Variants in WWOX observed in about 807,000 individuals in gnomAD.
WWOX encodes WW domain-containing oxidoreductase.
Under a neutral mutation model 46.2 loss-of-function variants are expected in WWOX, and 69 were observed. The ratio of observed to expected loss-of-function variants is 1.49; its 90% confidence interval spans 1.23 to 1.82. WWOX has a LOEUF of 1.82. Ranked by LOEUF, WWOX falls within the 40% of genes most tolerant of loss-of-function variation. The pLI, the probability that WWOX is intolerant of heterozygous loss-of-function variation, is 0.00. For synonymous variants in WWOX, 359 were observed against 202.6 expected (o/e 1.77, Z -6.56); for missense variants, 919 against 542.6 (o/e 1.69, Z -6.89).
chr16:78,968,662 C>G (rs2046411107), intron 8 of WWOX, among the ~76,000 whole-genome samples: 1 of 152,170 alleles, frequency 6.6e-6, no homozygotes. Flanking sequence ...GCCAAGGAGG[C>G]TGATATCGGG....
At chr16:78,353,421 G>C (rs1423276548) in intron 5 of WWOX, among the ~76,000 whole-genome samples, 1 of 152,180 alleles carries the variant, frequency 6.6e-6, no homozygotes, top group East Asian at 1.9e-4. Context: ...GAGAAAGACA[G>C]TTCACCAAAT....
rs116359214 is a variant in WWOX at position 78,514,771 on chromosome 16, T to C, written c.1056+82019T>C. On this transcript the variant is annotated intron_variant, in intron 8 of 8. Transcript: ENST00000566780. Reference sequence around the variant, plus strand: ...AACACACAGGCATTGAAAATAGATATACATAAATAATGTTACTATAATTTG... The same window carrying C: ...AACACACAGGCATTGAAAATAGATACACATAAATAATGTTACTATAATTTG... Among the ~76,000 whole-genome samples, 1,273 of 152,276 alleles carry C rather than the reference T, an allele frequency of 8.4e-3. 17 individuals carry two copies. The highest frequency in any genetic ancestry group is 0.029 in the African/African-American group (1,190 of 41,558).
At chr16:78,228,165 G>A (rs375117168) in intron 5 of WWOX, among the ~76,000 whole-genome samples, 2 of 152,042 alleles carry the variant, frequency 1.3e-5, no homozygotes, top group African/African-American at 4.8e-5. Context: ...AGAGAGAGAA[G>A]GCAGGCAACA....
At chr16:78,652,755 G>C (rs892857499) in intron 8 of WWOX, among the ~76,000 whole-genome samples, 2 of 152,048 alleles carry the variant, frequency 1.3e-5, no homozygotes, top group African/African-American at 2.4e-5. Context: ...AATAGACTTG[G>C]TAAAGAAGCA....
intron 5 of WWOX, among the ~76,000 whole-genome samples, chr16:78,338,777 C>T (rs1038585521): frequency 1.7e-5 from 2 of 120,720 alleles, no homozygotes; most frequent in East Asian, 3.9e-4. Context: ...TTTCTTCTTC[C>T]ATTTTTATGT....
At chr16:78,548,308 A>G (rs560673629) in intron 8 of WWOX, among the ~76,000 whole-genome samples, 1 of 151,612 alleles carries the variant, frequency 6.6e-6, no homozygotes, top group South Asian at 2.1e-4. Flanking sequence ...ATTGCATTCA[A>G]CAGTCATGTA....
chr16:78,104,839 G>C (rs748203759), intron 1 of WWOX, among the ~76,000 whole-genome samples: 1 of 152,026 alleles, frequency 6.6e-6, no homozygotes. Flanking sequence ...TAACTCACTC[G>C]GTTCTCTATA....
rs113926294 is a variant in WWOX, at chr16:78,542,243, A to G, written c.1056+109491A>G. On this transcript the variant is annotated intron_variant, in intron 8 of 8. Transcript: ENST00000566780. ...ACTGCCGGATGGATGAACCTACGTA[A>G]TGATCTCCTGGTGCCATTTTCCTGA... Among the ~76,000 whole-genome samples, 44 of 152,158 alleles carry G rather than the reference A, an allele frequency of 2.9e-4. 1 individual carries two copies. The highest frequency in any genetic ancestry group is 9.6e-4 in the African/African-American group (40 of 41,534).
chr16:78,612,340 T>G (rs2045921183), intron 8 of WWOX, among the ~76,000 whole-genome samples: 1 of 152,248 alleles, frequency 6.6e-6, no homozygotes, highest in Non-Finnish European at 1.5e-5. Flanking sequence ...TTTGTGTCCA[T>G]ACATTTGATG....
intron 8 of WWOX, among the ~76,000 whole-genome samples, chr16:78,514,963 T>A (rs2085454404): frequency 6.6e-6 from 1 of 152,126 alleles, no homozygotes; most frequent in African/African-American, 2.4e-5. Flanking sequence ...CTCATGGCTA[T>A]AATCCCAGCA....
At chr16:78,607,490 T>G (rs1314495307) in intron 8 of WWOX, among the ~76,000 whole-genome samples, 1 of 152,210 alleles carries the variant, frequency 6.6e-6, no homozygotes, top group Non-Finnish European at 1.5e-5. Flanking sequence ...AAGATTTTTA[T>G]TGGTGCTAAG....
At chr16:78,949,674 G>A (rs749261859) in intron 8 of WWOX, among the ~76,000 whole-genome samples, 3 of 152,208 alleles carry the variant, frequency 2.0e-5, no homozygotes, top group Non-Finnish European at 4.4e-5. Flanking sequence ...ACAAAGCCTT[G>A]AGGTATACGT....
rs549606426 is a variant in WWOX, at chr16:78,628,699, G to A, written c.1056+195947G>A. Among the ~76,000 whole-genome samples, 49 of 152,084 alleles carry A rather than the reference G, an allele frequency of 3.2e-4. 1 individual carries two copies. The highest frequency in any genetic ancestry group is 5.9e-5 in the Non-Finnish European group (4 of 68,018). On this transcript the variant is annotated intron_variant, in intron 8 of 8. Transcript: ENST00000566780. ...TCACTCCGTGCTTTGTGAGTGACGT[G>A]CTAGAATGGAATTTCACTGTTTTAA...
chr16:78,953,188 G>A (rs537747826), intron 8 of WWOX, among the ~76,000 whole-genome samples: 116 of 152,148 alleles, frequency 7.6e-4, no homozygotes, highest in African/African-American at 2.7e-3. Flanking sequence ...TGACCAGGCA[G>A]GATAACTATC....
chr16:78,356,358 C>G (rs560277795), intron 5 of WWOX, among the ~76,000 whole-genome samples: 1 of 152,084 alleles, frequency 6.6e-6, no homozygotes, highest in African/African-American at 2.4e-5. Context: ...AGAGCACAAC[C>G]TATTTAAGTA....
chr16:78,419,625 C>CAAAAAAAAAAAAAAAAAAAAA (rs60762734), intron 6 of WWOX, among the ~76,000 whole-genome samples: 1 of 44,692 alleles, frequency 2.2e-5, no homozygotes, highest in Non-Finnish European at 4.6e-5. Flanking sequence ...CAAAAAATAG[C>CAAAAAAAAAAAAAAAAAAAAA]AAAAAAAAAA....
chr16:78,902,743 C>G (rs950084783), intron 8 of WWOX, among the ~76,000 whole-genome samples: 1 of 152,216 alleles, frequency 6.6e-6, no homozygotes, highest in East Asian at 1.9e-4. Context: ...TGGAAATCCA[C>G]TTTTCCATCC....
intron 8 of WWOX, among the ~76,000 whole-genome samples, chr16:78,803,133 T>G (rs9931801): frequency 0.81 from 122,861 of 151,280 alleles, 50,165 homozygotes; most frequent in Middle Eastern, 0.88. Context: ...AATTAGTCTT[T>G]CAGGATCCAA....
At chr16:78,505,125 G>T (rs572004241) in intron 8 of WWOX, among the ~76,000 whole-genome samples, 1 of 152,134 alleles carries the variant, frequency 6.6e-6, no homozygotes, top group South Asian at 2.1e-4. Context: ...ACACCAGGCA[G>T]CCCCCACTCT....
Sources: allele counts gnomAD v4.1 joint callset (sites outside exome capture counted in the v4.1 genomes callset), GRCh38; gene constraint gnomAD v4.1.1; transcripts MANE v1.5; gene names NCBI Gene and HGNC (gene_info 2026-07-23, HGNC 2026-07-21).